GLIS3: variants seen among roughly 807,000 people sequenced by gnomAD.
GLIS3 encodes the protein zinc finger protein GLIS3.
Under a neutral mutation model 78.6 loss-of-function variants are expected in GLIS3, and 53 were observed. That is an observed-to-expected ratio of 0.67 (90% CI 0.54 to 0.85). The LOEUF (loss-of-function observed/expected upper bound fraction) is 0.85. GLIS3 is among the 40% of genes least tolerant of loss of function. The pLI, the probability that GLIS3 is intolerant of heterozygous loss-of-function variation, is 0.00. For missense variants in GLIS3, 1,703 were observed against 1,231.1 expected (o/e 1.38, Z -5.74); for synonymous variants, 684 against 509.9 (o/e 1.34, Z -4.60).
intron 4 of GLIS3, among the ~76,000 whole-genome samples, chr9:4,059,573 C>G (rs1374637545): frequency 2.0e-5 from 3 of 152,184 alleles, no homozygotes; most frequent in African/African-American, 7.2e-5. Flanking sequence ...TCCTTCTGCA[C>G]TTGAACATCC....
intron 4 of GLIS3, among the ~76,000 whole-genome samples, chr9:4,112,482 C>T (rs970108982): frequency 1.3e-5 from 2 of 152,148 alleles, no homozygotes; most frequent in Non-Finnish European, 2.9e-5. Context: ...TAATACTGTT[C>T]TCAACCTTGA....
rs367934659 is a variant in GLIS3 at position 4,286,307 on chromosome 9, G to C, written c.119C>G (p.Pro40Arg). ...ACTCGATGTGCTGCCACAGGGCGAG[G>C]GGCCAGGAGTCCCGGAGTGGGCTCG... ...AIRAHSGTPG[P>R]SPCGSTSSPT... Residue 40 changes from proline to arginine, a missense_variant, in exon 2 of 11, where the codon CCC becomes CGC. Coordinates refer to ENST00000381971, the MANE Select transcript of GLIS3 (RefSeq NM_001042413.2). The C allele has an allele frequency of 1.3e-5, 21 of 1,614,210 alleles. No individual in the cohort carries two copies. The highest frequency in any genetic ancestry group is 1.4e-5 in the Non-Finnish European group (17 of 1,180,034).
intron 4 of GLIS3, among the ~76,000 whole-genome samples, chr9:4,008,055 T>G: frequency 6.6e-6 from 1 of 152,146 alleles, no homozygotes; most frequent in Non-Finnish European, 1.5e-5. Context: ...AGAAAGGCCT[T>G]AATTCCACAG....
At chr9:4,275,803 T>C (rs1056489589) in intron 2 of GLIS3, among the ~76,000 whole-genome samples, 1 of 151,968 alleles carries the variant, frequency 6.6e-6, no homozygotes, top group Non-Finnish European at 1.5e-5. Flanking sequence ...TAAATAAATA[T>C]TTTTAAAAAG....
intron 2 of GLIS3, among the ~76,000 whole-genome samples, chr9:4,155,805 G>A (rs1835006310): frequency 6.6e-6 from 1 of 152,048 alleles, no homozygotes; most frequent in South Asian, 2.1e-4. Flanking sequence ...GGTGTACGGT[G>A]GGACCTGAGA....
chr9:4,359,212 A>T, the GLIS3 span, among the ~76,000 whole-genome samples: 3 of 152,036 alleles, frequency 2.0e-5, no homozygotes, highest in African/African-American at 7.2e-5. Flanking sequence ...CTCTGCATAC[A>T]CCGAGATGAG....
At chr9:4,023,102 T>C (rs1050323221) in intron 4 of GLIS3, among the ~76,000 whole-genome samples, 6 of 152,214 alleles carry the variant, frequency 3.9e-5, no homozygotes, top group Non-Finnish European at 7.3e-5. Flanking sequence ...AAACAAATTA[T>C]ATAGGTTTGT....
chr9:4,319,910 G>A (rs1213066414), intron 2 of GLIS3, among the ~76,000 whole-genome samples: 2 of 152,088 alleles, frequency 1.3e-5, no homozygotes, highest in Admixed American at 6.5e-5. Flanking sequence ...ATTCTAATCT[G>A]TCTACGCATG....
chr9:3,836,812 C>T (rs569333110), intron 9 of GLIS3, among the ~76,000 whole-genome samples: 24 of 152,266 alleles, frequency 1.6e-4, no homozygotes, highest in Non-Finnish European at 1.5e-5. Flanking sequence ...CTGCCAACAT[C>T]TCACCACCGC....
chr9:3,953,462 C>G (rs1816833580), intron 4 of GLIS3, among the ~76,000 whole-genome samples: 1 of 152,108 alleles, frequency 6.6e-6, no homozygotes, highest in East Asian at 1.9e-4. Flanking sequence ...ATATTTTGAT[C>G]TTTACACTGA....
the GLIS3 span, among the ~76,000 whole-genome samples, chr9:4,354,862 A>G: frequency 3.6e-4 from 55 of 152,258 alleles, no homozygotes; most frequent in South Asian, 0.011. Flanking sequence ...CATGCCTGTA[A>G]TCCCAACACT....
chr9:3,846,400 C>G (rs570883072), intron 9 of GLIS3, among the ~76,000 whole-genome samples: 2 of 152,282 alleles, frequency 1.3e-5, no homozygotes, highest in African/African-American at 4.8e-5. Flanking sequence ...GGAGGTTGCT[C>G]TGGACTTGCT....
At position 4,059,766 on chromosome 9, in the gene GLIS3, TTC is replaced by T. The variant is rs537628108; in HGVS notation, c.1710+58000_1710+58001del. Among the ~76,000 whole-genome samples, 20 of 150,916 alleles carry T rather than the reference TTC, an allele frequency of 1.3e-4. No homozygotes were observed. The South Asian group carries it at 4.2e-3, about 32-fold the overall frequency. On this transcript the variant is annotated intron_variant, in intron 4 of 10. Transcript: ENST00000381971. ...AGGGATGAAAGCAGGCCTCAGCTTGTTCTCTCCTGAAAGGGCTTGTCACTTAC... is the reference window on the plus strand; with the variant it reads ...AGGGATGAAAGCAGGCCTCAGCTTGTTCTCCTGAAAGGGCTTGTCACTTAC...
At chr9:4,011,821 G>A (rs1328297544) in intron 4 of GLIS3, among the ~76,000 whole-genome samples, 2 of 152,088 alleles carry the variant, frequency 1.3e-5, no homozygotes, top group African/African-American at 4.8e-5. Flanking sequence ...GGGAAACTGG[G>A]CATATCTGCT....
At chr9:4,251,586 G>A (rs1488454406) in intron 2 of GLIS3, among the ~76,000 whole-genome samples, 1 of 152,022 alleles carries the variant, frequency 6.6e-6, no homozygotes, top group African/African-American at 2.4e-5. Context: ...GCGTCTAATT[G>A]GGGCATTTAG....
At chr9:4,267,332 C>G (rs1438650266) in intron 2 of GLIS3, among the ~76,000 whole-genome samples, 1 of 152,082 alleles carries the variant, frequency 6.6e-6, no homozygotes, top group Non-Finnish European at 1.5e-5. Flanking sequence ...GTAGACAGCC[C>G]TTGAGGGTTA....
At chr9:4,291,098 A>C (rs925926232) in intron 1 of GLIS3, among the ~76,000 whole-genome samples, 3 of 152,178 alleles carry the variant, frequency 2.0e-5, no homozygotes, top group African/African-American at 7.2e-5. Context: ...GTTACACCTA[A>C]TAACTAGAAT....
At chr9:4,231,968 A>T (rs1445857869) in intron 2 of GLIS3, among the ~76,000 whole-genome samples, 1 of 152,178 alleles carries the variant, frequency 6.6e-6, no homozygotes, top group Non-Finnish European at 1.5e-5. Context: ...CCCAACCAAT[A>T]CTTTTTTTGG....
chr9:4,389,544 A>G, the GLIS3 span, among the ~76,000 whole-genome samples: 1 of 152,218 alleles, frequency 6.6e-6, no homozygotes, highest in Non-Finnish European at 1.5e-5. Context: ...AGGTTCTTGG[A>G]TCTTGAACTA....
Sources: gnomAD v4.1 joint callset for allele counts (sites outside exome capture counted in the v4.1 genomes callset) on GRCh38, gnomAD v4.1.1 for gene constraint, MANE v1.5 for transcripts, NCBI Gene and HGNC (gene_info 2026-07-23, HGNC 2026-07-21) for gene names.